The following GNAQ variants were observed in gnomAD, a reference collection of about 807,000 sequenced individuals.
The protein encoded by GNAQ is guanine nucleotide-binding protein G(q) subunit alpha.
A neutral mutation model predicts 43.9 loss-of-function variants in GNAQ; 8 were observed. The observed-to-expected ratio is 0.18, with a 90% CI of 0.11 to 0.33. The LOEUF (loss-of-function observed/expected upper bound fraction) is 0.33. Among genes scored for constraint, GNAQ ranks in the 10% least tolerant of loss-of-function variants. The pLI is 1.00. For missense variants in GNAQ, 158 were observed against 450.8 expected (o/e 0.35, Z 5.88); for synonymous variants, 155 against 170.7 (o/e 0.91, Z 0.71).
chr9:77,870,516 T>C (rs905664487), intron 2 of GNAQ, among the ~76,000 whole-genome samples: 3 of 151,680 alleles, frequency 2.0e-5, no homozygotes, highest in African/African-American at 7.3e-5. Context: ...TTAGTAGAGA[T>C]GGGGTTTTAC....
At chr9:77,760,125 T>G (rs902212476) in intron 5 of GNAQ, among the ~76,000 whole-genome samples, 2 of 150,776 alleles carry the variant, frequency 1.3e-5, no homozygotes, top group African/African-American at 4.9e-5. Flanking sequence ...ATTTTAAAGT[T>G]TACAATTCGG....
intron 1 of GNAQ, among the ~76,000 whole-genome samples, chr9:78,007,364 CCA>C (rs1420037153): frequency 6.7e-6 from 1 of 148,532 alleles, no homozygotes; most frequent in Non-Finnish European, 1.5e-5. Context: ...AATTTCATAA[CCA>C]CAGATTCTAA....
At chr9:77,825,241 C>T (rs1467109956) in intron 2 of GNAQ, among the ~76,000 whole-genome samples, 1 of 152,180 alleles carries the variant, frequency 6.6e-6, no homozygotes, top group Non-Finnish European at 1.5e-5. Context: ...AAAAGATCTG[C>T]TGCAAAATAA....
At chr9:77,747,124 GGA>G (rs1825742913) in intron 5 of GNAQ, among the ~76,000 whole-genome samples, 1 of 152,064 alleles carries the variant, frequency 6.6e-6, no homozygotes, top group Admixed American at 6.6e-5. Flanking sequence ...TGGAAACACA[GGA>G]GAGTTTTCAC....
chr9:77,760,736 G>C (rs1240807803), intron 5 of GNAQ, among the ~76,000 whole-genome samples: 4 of 151,338 alleles, frequency 2.6e-5, no homozygotes, highest in Non-Finnish European at 3.0e-5. Context: ...GTCTCTGCCC[G>C]GCCGCCATCC....
At chr9:77,776,725 A>C (rs1826311018) in intron 5 of GNAQ, among the ~76,000 whole-genome samples, 1 of 152,186 alleles carries the variant, frequency 6.6e-6, no homozygotes, top group Non-Finnish European at 1.5e-5. Flanking sequence ...AAATACTGTA[A>C]TCCAACTACA....
chr9:77,999,137 A>G (rs1823613642), intron 1 of GNAQ, among the ~76,000 whole-genome samples: 1 of 150,234 alleles, frequency 6.7e-6, no homozygotes, highest in Non-Finnish European at 1.5e-5. Context: ...GAAAAAGTTG[A>G]ATTTGTAATA....
intron 2 of GNAQ, among the ~76,000 whole-genome samples, chr9:77,841,205 G>GA (rs1827484782): frequency 6.6e-6 from 1 of 151,914 alleles, no homozygotes; most frequent in African/African-American, 2.4e-5. Context: ...ACCTATAAAA[G>GA]AAAAAAAGAA....
At chr9:78,019,019 C>CA (rs1332828472) in intron 1 of GNAQ, among the ~76,000 whole-genome samples, 1 of 152,012 alleles carries the variant, frequency 6.6e-6, no homozygotes, top group Non-Finnish European at 1.5e-5. Context: ...GAAAGCCCTA[C>CA]AAAAAATACG....
chr9:77,800,312 T>G (rs1380976467), intron 3 of GNAQ, among the ~76,000 whole-genome samples: 1 of 151,950 alleles, frequency 6.6e-6, no homozygotes, highest in Non-Finnish European at 1.5e-5. Flanking sequence ...AGCGAAGACT[T>G]GGAACCAACC....
intron 1 of GNAQ, among the ~76,000 whole-genome samples, chr9:77,986,587 G>T (rs1190962903): frequency 6.6e-6 from 1 of 152,042 alleles, no homozygotes; most frequent in Non-Finnish European, 1.5e-5. Flanking sequence ...CTCACTGTAG[G>T]CTCGACATAC....
intron 1 of GNAQ, among the ~76,000 whole-genome samples, chr9:78,015,229 T>C (rs1823824495): frequency 6.6e-6 from 1 of 152,218 alleles, no homozygotes; most frequent in Non-Finnish European, 1.5e-5. Context: ...TAACATGCTT[T>C]ACAGGTTTGC....
chr9:77,807,579 T>C (rs2118489652), intron 3 of GNAQ, among the ~76,000 whole-genome samples: 1 of 152,320 alleles, frequency 6.6e-6, no homozygotes, highest in African/African-American at 2.4e-5. Flanking sequence ...AACTTTCTGT[T>C]GCTCACTTCC....
chr9:77,833,101 G>A (rs886963533), intron 2 of GNAQ, among the ~76,000 whole-genome samples: 2 of 152,034 alleles, frequency 1.3e-5, no homozygotes, highest in Non-Finnish European at 2.9e-5. Context: ...CAAGTAGTTG[G>A]GACTACAGGC....
intron 1 of GNAQ, among the ~76,000 whole-genome samples, chr9:77,974,814 A>G (rs867866540): frequency 2.6e-5 from 4 of 152,254 alleles, no homozygotes; most frequent in Non-Finnish European, 4.4e-5. Flanking sequence ...AGCATGACGG[A>G]TTGCTGCTGT....
chr9:77,828,439 C>A (rs1417557804), intron 2 of GNAQ, among the ~76,000 whole-genome samples: 1 of 152,048 alleles, frequency 6.6e-6, no homozygotes, highest in Non-Finnish European at 1.5e-5. Context: ...AGAATCCTAC[C>A]CATCCTCCTG....
chr9:77,922,517 A>T (rs1829014193), intron 1 of GNAQ, among the ~76,000 whole-genome samples, 172 bp from the exon 2 acceptor site: 1 of 152,204 alleles, frequency 6.6e-6, no homozygotes, highest in African/African-American at 2.4e-5. Flanking sequence ...TTAGAGGGAG[A>T]GAGTCTATTT....
intron 1 of GNAQ, among the ~76,000 whole-genome samples, chr9:77,937,722 G>A (rs1829252582): frequency 6.6e-6 from 1 of 151,730 alleles, no homozygotes; most frequent in Non-Finnish European, 1.5e-5. Context: ...GTGAAACCCT[G>A]TCTCTACTAA....
chr9:77,800,015 T>G (rs1826717057), intron 3 of GNAQ, among the ~76,000 whole-genome samples: 1 of 152,236 alleles, frequency 6.6e-6, no homozygotes, highest in South Asian at 2.1e-4. Context: ...AGTCCTCTGA[T>G]AAGAGTTAGA....
Sources: gnomAD v4.1 joint callset for allele counts (sites outside exome capture counted in the v4.1 genomes callset) on GRCh38, gnomAD v4.1.1 for gene constraint, MANE v1.5 for transcripts, NCBI Gene and HGNC (gene_info 2026-07-23, HGNC 2026-07-21) for gene names.